TRIQK: variants seen among roughly 807,000 people sequenced by gnomAD.
TRIQK encodes the protein triple QxxK/R motif containing, also known as triple QxxK/R motif-containing protein.
TRIQK carries 10 observed loss-of-function variants against 10.8 expected under a neutral mutation model. That is an observed-to-expected ratio of 0.92 (90% CI 0.57 to 1.57). TRIQK has a LOEUF of 1.57. TRIQK is among the 40% of genes most tolerant of loss of function. The pLI is 0.00. For synonymous variants in TRIQK, 33 were observed against 33.7 expected, an observed-to-expected ratio of 0.98 and a Z score of 0.07; for missense variants, 107 against 97.7, an observed-to-expected ratio of 1.09 and a Z score of -0.40.
chr8:93,013,451 G>C (rs1467517444), intron 1 of TRIQK, among the ~76,000 whole-genome samples: 1 of 152,134 alleles, frequency 6.6e-6, no homozygotes, highest in Admixed American at 6.5e-5. Context: ...TGGGAAGAAG[G>C]ACAATGCAGA....
intron 3 of TRIQK, among the ~76,000 whole-genome samples, chr8:92,899,493 A>G (rs932496619): frequency 6.6e-6 from 1 of 152,116 alleles, no homozygotes; most frequent in Non-Finnish European, 1.5e-5. Context: ...ATAAGTGAGA[A>G]GATGCCCACT....
chr8:92,891,869 A>G, intron 4 of TRIQK, 120 bp downstream of exon 4: 2 of 694,650 alleles, frequency 2.9e-6, no homozygotes, highest in Non-Finnish European at 4.5e-6. Context: ...TAAGTCTGGC[A>G]TTCTATTTAG....
intron 1 of TRIQK, among the ~76,000 whole-genome samples, chr8:92,997,883 A>T (rs1813168908): frequency 1.3e-5 from 2 of 152,062 alleles, no homozygotes; most frequent in African/African-American, 4.8e-5. Context: ...AGTTCTAATA[A>T]TAGAAAGTTT....
chr8:92,939,844 G>A (rs544693405), intron 2 of TRIQK, among the ~76,000 whole-genome samples: 1 of 152,162 alleles, frequency 6.6e-6, no homozygotes, highest in Non-Finnish European at 1.5e-5. Flanking sequence ...CCCTCATCAT[G>A]CATTCCTAAG....
At chr8:92,928,331 G>A (rs1810549479) in intron 2 of TRIQK, among the ~76,000 whole-genome samples, 1 of 152,112 alleles carries the variant, frequency 6.6e-6, no homozygotes, top group African/African-American at 2.4e-5. Flanking sequence ...CTCCAGGAAA[G>A]GTCAGCTGGC....
At chr8:92,893,611 G>C (rs1486140108) in intron 3 of TRIQK, among the ~76,000 whole-genome samples, 6 of 151,854 alleles carry the variant, frequency 4.0e-5, no homozygotes, top group African/African-American at 1.4e-4. Flanking sequence ...AAAAAATCTT[G>C]ACAAGTGTTC....
In TRIQK at chr8:92,961,802, T is replaced by C. The variant is rs182956963; in HGVS notation, c.-181+4205A>G. On this transcript the variant is annotated intron_variant, in intron 1 of 4. Coordinates refer to ENST00000521988, the MANE Select transcript of TRIQK (RefSeq NM_001171797.2). ...ATTGTTCAATACAATTGGTCTGTTA[T>C]TTTTGCAACTACGTCACTAAATAAT... Among the ~76,000 whole-genome samples, 4 of 152,336 alleles carry C rather than the reference T, an allele frequency of 2.6e-5. No homozygotes were observed. In the East Asian group the frequency reaches 7.7e-4, roughly 29 times the overall value.
intron 1 of TRIQK, among the ~76,000 whole-genome samples, chr8:92,963,137 G>A (rs1037786151): frequency 1.3e-5 from 2 of 152,120 alleles, no homozygotes; most frequent in Admixed American, 6.5e-5. Context: ...GAACAGAGTT[G>A]AATAAAGAAA....
chr8:92,890,458 A>G (rs1305190051), intron 4 of TRIQK, among the ~76,000 whole-genome samples: 1 of 151,780 alleles, frequency 6.6e-6, no homozygotes, highest in Non-Finnish European at 1.5e-5. Flanking sequence ...TTTCTCATAG[A>G]AAGATTAGCA....
chr8:92,970,416 C>T (rs1361129095), upstream of TRIQK, among the ~76,000 whole-genome samples: 1 of 152,174 alleles, frequency 6.6e-6, no homozygotes, highest in African/African-American at 2.4e-5. Flanking sequence ...ACATTTCCAC[C>T]AACAGTGTAA....
At chr8:92,988,636 A>G (rs950774962) in intron 1 of TRIQK, among the ~76,000 whole-genome samples, 27 of 152,210 alleles carry the variant, frequency 1.8e-4, no homozygotes, top group African/African-American at 5.5e-4. Flanking sequence ...ATGTACTTGC[A>G]TAACATTTTT....
chr8:92,886,654 C>A lies in TRIQK; in HGVS notation c.229G>T (p.Val77Phe). 7.8e-6 allele frequency: 12 copies of A among 1,530,464 alleles called. No homozygotes were observed. The highest frequency in any genetic ancestry group is 1.1e-5 in the Non-Finnish European group (12 of 1,142,424). 94.8% of individuals were successfully genotyped at this position (1,530,464 alleles called of 1,614,324 possible). ...TCATCTTGGTCCAGATCAGGGTCAACATCCGTGGTGAGTCTGAGATAAAAG... is the reference window on the plus strand; with the variant it reads ...TCATCTTGGTCCAGATCAGGGTCAAAATCCGTGGTGAGTCTGAGATAAAAG... ...AFFYLRLTTD[V>F]DPDLDQDED The change falls in exon 5 of 5, where the codon GTT becomes TTT. Residue 77 changes from valine to phenylalanine, a missense_variant. Coordinates refer to ENST00000521988, the MANE Select transcript of TRIQK (RefSeq NM_001171797.2).
rs554807098 is a variant in TRIQK, at chr8:92,946,548, T to C, written c.-22+7858A>G. Among the ~76,000 whole-genome samples, 11 of 152,228 alleles carry C rather than the reference T, an allele frequency of 7.2e-5. No individual in the cohort carries two copies. In the South Asian group the frequency reaches 2.1e-3, roughly 29 times the overall value. Reference sequence around the variant, plus strand: ...CTACTCTGAACCCCTGTCTTTAAAATTGCCCTATTTAGCTCAGATCAGAAA... The same window carrying C: ...CTACTCTGAACCCCTGTCTTTAAAACTGCCCTATTTAGCTCAGATCAGAAA... On this transcript the variant is annotated intron_variant, in intron 2 of 4. Coordinates refer to ENST00000521988, the MANE Select transcript of TRIQK (RefSeq NM_001171797.2).
intron 1 of TRIQK, among the ~76,000 whole-genome samples, chr8:92,958,470 C>T (rs1024214421): frequency 6.6e-6 from 1 of 151,726 alleles, no homozygotes; most frequent in African/African-American, 2.4e-5. Context: ...ATAATAGTAT[C>T]CATTATTTCT....
intron 1 of TRIQK, among the ~76,000 whole-genome samples, chr8:92,981,528 A>C (rs534663040): frequency 2.6e-5 from 4 of 151,848 alleles, no homozygotes; most frequent in African/African-American, 9.6e-5. Flanking sequence ...GTTTCACCTT[A>C]TGTATTTTGT....
upstream of TRIQK, among the ~76,000 whole-genome samples, chr8:92,968,882 A>T (rs551573278): frequency 6.6e-6 from 1 of 152,252 alleles, no homozygotes; most frequent in East Asian, 1.9e-4. Flanking sequence ...GCCCATGCTT[A>T]TGTCCCGAAT....
At chr8:93,007,652 T>A (rs1283001711) in intron 1 of TRIQK, among the ~76,000 whole-genome samples, 1 of 152,204 alleles carries the variant, frequency 6.6e-6, no homozygotes, top group Admixed American at 6.5e-5. Context: ...CAGCAGCTGT[T>A]AACCAGAATA....
intron 1 of TRIQK, among the ~76,000 whole-genome samples, chr8:92,980,365 G>T (rs887338540): frequency 6.6e-6 from 1 of 151,502 alleles, no homozygotes; most frequent in Non-Finnish European, 1.5e-5. Context: ...TGGCATATGG[G>T]GGTGTGTGTG....
At position 92,884,001 on chromosome 8, in the gene TRIQK, G is replaced by C. The variant is rs1029782956; in HGVS notation, c.*2621C>G. 6.6e-6 allele frequency: 1 copy of C among 151,676 alleles called. No homozygotes were observed. Among genetic ancestry groups the C allele is most frequent in the Non-Finnish European group, 1.5e-5 (1 of 67,828 alleles). 9.4% of individuals were successfully genotyped at this position (151,676 alleles called of 1,614,324 possible). ...CAAACTTCAATCACAGTATTCCATA[G>C]GCTATATTTTAAGTCTATTGCATTA... On this transcript the variant is annotated 3_prime_UTR_variant, in exon 5 of 5. Coordinates refer to ENST00000521988, the MANE Select transcript of TRIQK (RefSeq NM_001171797.2).
Sources: allele counts gnomAD v4.1 joint callset (sites outside exome capture counted in the v4.1 genomes callset), GRCh38; gene constraint gnomAD v4.1.1; transcripts MANE v1.5; gene names NCBI Gene and HGNC (gene_info 2026-07-23, HGNC 2026-07-21).